ANKRD16: variants seen among roughly 807,000 people sequenced by gnomAD.
The protein encoded by ANKRD16 is ankyrin repeat domain 16, also known as ankyrin repeat domain-containing protein 16.
ANKRD16 carries 35 observed loss-of-function variants against 37.9 expected under a neutral mutation model. The observed-to-expected ratio is 0.92, with a 90% CI of 0.71 to 1.23. The LOEUF (loss-of-function observed/expected upper bound fraction) is 1.23, where lower values mean the gene tolerates loss of function less well. ANKRD16 is among the 50% of genes most tolerant of loss of function. The pLI is 0.00. For missense variants in ANKRD16, 480 were observed against 469.9 expected, an observed-to-expected ratio of 1.02 and a Z score of -0.20; for synonymous variants, 206 against 197.2, an observed-to-expected ratio of 1.04 and a Z score of -0.37.
At position 5,864,263 on chromosome 10, in the gene ANKRD16, AT is replaced by A. The variant is rs1205919562; in HGVS notation, c.*34-1573del. ...CCTAGCCTCCCTATAGCCCCTTCCT[AT>A]TAATGATAAGCCTCCTCTAACCTCC... On this transcript the variant is annotated intron_variant, in intron 7 of 7. Transcript: ENST00000380094. The surrounding 1 kb of genome is among the most constrained non-coding windows in gnomAD (Gnocchi z 4.4). Among the ~76,000 whole-genome samples, 1 of 152,002 alleles carries A rather than the reference AT, an allele frequency of 6.6e-6. No homozygotes were observed. The highest frequency in any genetic ancestry group is 1.5e-5 in the Non-Finnish European group (1 of 68,002).
Position 5,889,395 on chromosome 10 carries a change from G to C in ANKRD16, c.-41C>G. The C allele has an allele frequency of 8.5e-7, 1 of 1,173,240 alleles. No homozygotes were observed. Among genetic ancestry groups the C allele is most frequent in the African/African-American group, 1.6e-5 (1 of 62,164 alleles). 72.7% of individuals were successfully genotyped at this position (1,173,240 alleles called of 1,614,324 possible). A position where few individuals can be genotyped will look rare whatever the true frequency, so the allele number is the denominator to read the frequency against. On this transcript the variant is annotated 5_prime_UTR_variant, in exon 1 of 8. Coordinates refer to ENST00000380094, the MANE Select transcript of ANKRD16 (RefSeq NM_019046.3). Reference sequence around the variant, plus strand: ...CGGGCTGCGCGGGGAGGCGGCGGGCGGGACACCGGCGGCCGGGCAGGGAGA... The same window carrying C: ...CGGGCTGCGCGGGGAGGCGGCGGGCCGGACACCGGCGGCCGGGCAGGGAGA...
rs1842060190 is a variant in ANKRD16 at position 5,869,740 on chromosome 10, G to C, written c.*34-7049C>G. ...ATGCAGCAGCTATGGCCGCCCCTGG[G>C]AACTAGCTGGAAGCAGCTGGGGGTT... On this transcript the variant is annotated intron_variant, in intron 7 of 7. Transcript: ENST00000380094. The surrounding 1 kb of genome is among the most constrained non-coding windows in gnomAD (Gnocchi z 4.0). Among the ~76,000 whole-genome samples, 1 of 113,846 alleles carries C rather than the reference G, an allele frequency of 8.8e-6. No individual in the cohort carries two copies. 74.7% of individuals were successfully genotyped at this position (113,846 alleles called of 152,430 possible).
Position 5,876,943 on chromosome 10 carries a change from G to A in ANKRD16, c.*33+1154C>T, listed in dbSNP as rs567542652. ...TGAGGACTCATCCTATCTTTACTCC[G>A]TTTAAGAGGCTATAATATTTTTTAA... On this transcript the variant is annotated intron_variant, in intron 7 of 7. Transcript: ENST00000380094. Among the ~76,000 whole-genome samples the A allele has an allele frequency of 3.3e-5, 5 of 152,260 alleles. No homozygotes were observed. In the South Asian group the frequency reaches 8.3e-4, roughly 25 times the overall value.
chr10:5,884,739 TAAAAAAAAA>T (rs34030686), intron 3 of ANKRD16, among the ~76,000 whole-genome samples: 2 of 120,154 alleles, frequency 1.7e-5, no homozygotes, highest in African/African-American at 3.2e-5. Context: ...TCTCAAAAAC[TAAAAAAAAA>T]AAAAAAAAAA....
At chr10:5,881,288 A>G (rs907977317) in intron 5 of ANKRD16, among the ~76,000 whole-genome samples, 2 of 150,778 alleles carry the variant, frequency 1.3e-5, no homozygotes, top group Non-Finnish European at 1.5e-5. Flanking sequence ...AGAACCCAAA[A>G]CTCTAAAATT....
chr10:5,880,634 C>CGGGGGGG (rs1564417593), intron 5 of ANKRD16, among the ~76,000 whole-genome samples: 1 of 150,582 alleles, frequency 6.6e-6, no homozygotes, highest in Non-Finnish European at 1.5e-5. Flanking sequence ...ATAAAAGGAG[C>CGGGGGGG]AGGGGGGGGA....
intron 7 of ANKRD16, among the ~76,000 whole-genome samples, chr10:5,867,555 A>G (rs1490775301): frequency 2.6e-5 from 4 of 152,218 alleles, no homozygotes; most frequent in Admixed American, 1.3e-4. Flanking sequence ...TCCCAAACTT[A>G]TAAGGTTTTC....
Position 5,862,500 on chromosome 10 carries a change from C to G in ANKRD16, c.*225G>C. 1 of 815,712 alleles carries G rather than the reference C, an allele frequency of 1.2e-6. No homozygotes were observed. The highest frequency in any genetic ancestry group is 1.5e-5 in the South Asian group (1 of 68,638). The allele number at this position is 815,712 out of a possible 1,614,324, so 50.5% of individuals were successfully genotyped here. On this transcript the variant is annotated 3_prime_UTR_variant, in exon 8 of 8. Coordinates refer to ENST00000380094, the MANE Select transcript of ANKRD16 (RefSeq NM_019046.3). This position sits in a 1 kb window ranked among gnomAD's most constrained non-coding sequence, Gnocchi z 6.5. ...CATTTTTGGAGACAGACCCAGGGAG[C>G]TGACCTTGGGGGCCAGTGCAGATGT...
chr10:5,884,506 G>C (rs1224010032), intron 3 of ANKRD16, among the ~76,000 whole-genome samples: 1 of 152,116 alleles, frequency 6.6e-6, no homozygotes, highest in East Asian at 1.9e-4. Flanking sequence ...CGAGGTGGGT[G>C]GATCACCTGA....
intron 5 of ANKRD16, 126 bp downstream of exon 5, chr10:5,882,880 A>G: frequency 9.6e-7 from 1 of 1,043,316 alleles, no homozygotes. Flanking sequence ...TGACCATTTC[A>G]GAAGAATATC....
chr10:5,880,578 T>A (rs992548474), intron 5 of ANKRD16, among the ~76,000 whole-genome samples: 9 of 151,118 alleles, frequency 6.0e-5, no homozygotes, highest in African/African-American at 2.2e-4. Context: ...AGGGCTGGAG[T>A]GAAGAGGAGG....
In ANKRD16 at chr10:5,881,457, T is replaced by A. The variant is rs1299979114; in HGVS notation, c.850-1081A>T. ...TATTATTTATATATATATATATATA[T>A]ATATATATATATATATATATATATT... On this transcript the variant is annotated intron_variant, in intron 5 of 7. Coordinates refer to ENST00000380094, the MANE Select transcript of ANKRD16 (RefSeq NM_019046.3). Among the ~76,000 whole-genome samples the A allele has an allele frequency of 3.1e-3, 382 of 124,356 alleles. 17 individuals are homozygous for A. Among genetic ancestry groups the A allele is most frequent in the East Asian group, 0.018 (66 of 3,584 alleles). 81.6% of individuals were successfully genotyped at this position (124,356 alleles called of 152,430 possible).
intron 7 of ANKRD16, among the ~76,000 whole-genome samples, chr10:5,877,678 T>G (rs1334933676): frequency 6.6e-6 from 1 of 152,242 alleles, no homozygotes. Context: ...CCAACTGCAT[T>G]TTATAGCTCA....
rs939334533 is a variant in ANKRD16 at position 5,870,210 on chromosome 10, T to G, written c.*34-7519A>C. The stretch of plus-strand genomic sequence containing the variant: ...AGCTCCAGGTTCTGCCTTCCCATTC[T>G]CTCTCAAACCTGCTCTGATCTTTGT... On this transcript the variant is annotated intron_variant, in intron 7 of 7. Coordinates refer to ENST00000380094, the MANE Select transcript of ANKRD16 (RefSeq NM_019046.3). This position sits in a 1 kb window ranked among gnomAD's most constrained non-coding sequence, Gnocchi z 5.0. Among the ~76,000 whole-genome samples, 1 of 151,896 alleles carries G rather than the reference T, an allele frequency of 6.6e-6. No homozygotes were observed. Among genetic ancestry groups the G allele is most frequent in the African/African-American group, 2.4e-5 (1 of 41,322 alleles).
rs1842090038 is a variant in ANKRD16 at position 5,871,528 on chromosome 10, T to G, written c.*33+6569A>C. The stretch of plus-strand genomic sequence containing the variant: ...TTATTATCCATTCTTGTAGGAAACG[T>G]AATAAATGTGCTCCACAAATCCCCC... On this transcript the variant is annotated intron_variant, in intron 7 of 7. Coordinates refer to ENST00000380094, the MANE Select transcript of ANKRD16 (RefSeq NM_019046.3). This position sits in a 1 kb window ranked among gnomAD's most constrained non-coding sequence, Gnocchi z 4.5. Among the ~76,000 whole-genome samples the G allele has an allele frequency of 6.6e-6, 1 of 152,212 alleles. No individual in the cohort carries two copies.
intron 3 of ANKRD16, among the ~76,000 whole-genome samples, chr10:5,885,196 T>G (rs1278213976): frequency 6.6e-6 from 1 of 152,180 alleles, no homozygotes; most frequent in Non-Finnish European, 1.5e-5. Flanking sequence ...TTTATTTTTT[T>G]TTGAGACAGA....
intron 7 of ANKRD16, among the ~76,000 whole-genome samples, chr10:5,873,948 AGTG>A (rs1158445032): frequency 6.6e-6 from 1 of 151,082 alleles, no homozygotes; most frequent in Non-Finnish European, 1.5e-5. Context: ...GCTGGAGTGC[AGTG>A]GTGATCTTGG....
rs576468829 is a variant in ANKRD16 at position 5,862,789 on chromosome 10, C to A, written c.*34-98G>T. ...CAAGGTCCCACAGCTGGACTCAGGG[C>A]TGCTGGCTACAGGGCCTGGCTCTAC... On this transcript the variant is annotated intron_variant, in intron 7 of 7. Coordinates refer to ENST00000380094, the MANE Select transcript of ANKRD16 (RefSeq NM_019046.3). The surrounding 1 kb of genome is among the most constrained non-coding windows in gnomAD (Gnocchi z 6.5). 8.6e-5 allele frequency: 68 copies of A among 790,254 alleles called. No homozygotes were observed. The South Asian group carries it at 8.8e-4, about 10-fold the overall frequency. The allele number at this position is 790,254 out of a possible 1,614,324, so 49.0% of individuals were successfully genotyped here.
In ANKRD16 at chr10:5,882,889, T is replaced by A. The variant is rs561613164; in HGVS notation, c.849+117A>T. 96 of 1,122,106 alleles carry A rather than the reference T, an allele frequency of 8.6e-5. No homozygotes were observed. In the African/African-American group the frequency reaches 1.4e-3, roughly 16 times the overall value. The allele number at this position is 1,122,106 out of a possible 1,614,324, so 69.5% of individuals were successfully genotyped here. On this transcript the variant is annotated intron_variant, in intron 5 of 7. Coordinates refer to ENST00000380094, the MANE Select transcript of ANKRD16 (RefSeq NM_019046.3). ...GAATCCTGACCATTTCAGAAGAATA[T>A]CATGGGCAATTTCTTCCATAGAGAT...
Sources: allele counts gnomAD v4.1 joint callset (sites outside exome capture counted in the v4.1 genomes callset), GRCh38; gene constraint gnomAD v4.1.1; non-coding constraint Gnocchi (gnomAD v3.1); transcripts MANE v1.5; gene names NCBI Gene and HGNC (gene_info 2026-07-23, HGNC 2026-07-21).